The following ACBD7 variants were observed in gnomAD, a reference collection of about 807,000 sequenced individuals.
ACBD7 encodes acyl-CoA-binding domain-containing protein 7.
A neutral mutation model predicts 13.7 loss-of-function variants in ACBD7; 11 were observed. That is an observed-to-expected ratio of 0.80 (90% CI 0.50 to 1.33). ACBD7 has a LOEUF of 1.33. Ranked by LOEUF, ACBD7 falls within the 40% of genes most tolerant of loss-of-function variation. ACBD7 has a pLI of 0.00. For synonymous variants in ACBD7, 43 were observed against 37.7 expected, an observed-to-expected ratio of 1.14 and a Z score of -0.51; for missense variants, 111 against 103.0, an observed-to-expected ratio of 1.08 and a Z score of -0.33.
intron 1 of ACBD7, among the ~76,000 whole-genome samples, chr10:15,087,794 A>C (rs2131400505): frequency 6.6e-6 from 1 of 150,460 alleles, no homozygotes; most frequent in South Asian, 2.1e-4. Flanking sequence ...CCTGGGTGAC[A>C]GAATGAGACT....
Position 15,075,976 on chromosome 10 carries a change from C to CAAACAAAAA in ACBD7, c.*2553_*2554insTTTTTGTTT. 1 of 301,462 alleles carries CAAACAAAAA rather than the reference C, an allele frequency of 3.3e-6. No individual in the cohort carries two copies. The highest frequency in any genetic ancestry group is 4.4e-6 in the Non-Finnish European group (1 of 229,644). 18.7% of individuals were successfully genotyped at this position (301,462 alleles called of 1,614,324 possible). ...GTAACAGAGTGACAGCCTGTCTCAA[C>CAAACAAAAA]AAAAAAAAAAAAAAAAAAAAAGAAA... On this transcript the variant is annotated 3_prime_UTR_variant, in exon 4 of 4. Transcript: ENST00000356189.
At chr10:15,079,729 C>T (rs1038079293) in intron 1 of ACBD7, among the ~76,000 whole-genome samples, 3 of 151,902 alleles carry the variant, frequency 2.0e-5, no homozygotes, top group Non-Finnish European at 4.4e-5. Flanking sequence ...TAGGCACCTG[C>T]CACCGCGCCT....
intron 1 of ACBD7, among the ~76,000 whole-genome samples, chr10:15,085,788 G>C (rs1844801674): frequency 6.6e-6 from 1 of 152,104 alleles, no homozygotes; most frequent in Non-Finnish European, 1.5e-5. Context: ...AGCCGAATTA[G>C]AAATTCCATT....
At chr10:15,088,678 G>A (rs746747291) in intron 1 of ACBD7, 39 bp downstream of exon 1, 2 of 1,591,234 alleles carry the variant, frequency 1.3e-6, no homozygotes, top group Non-Finnish European at 1.7e-6. Flanking sequence ...TCCCCTCGCG[G>A]AGCGCCCCTC....
chr10:15,083,933 T>C (rs922515774), intron 1 of ACBD7, among the ~76,000 whole-genome samples: 2 of 152,228 alleles, frequency 1.3e-5, no homozygotes, highest in Non-Finnish European at 2.9e-5. Flanking sequence ...GGCAGCGTGC[T>C]TGAAGGCGCT....
At chr10:15,086,314 A>C in intron 1 of ACBD7, among the ~76,000 whole-genome samples, 1 of 151,990 alleles carries the variant, frequency 6.6e-6, no homozygotes, top group African/African-American at 2.4e-5. Flanking sequence ...CTCAAAAAAA[A>C]AAAAAGTTAC....
chr10:15,085,825 C>A lies in ACBD7; in HGVS notation c.12+2892G>T, dbSNP rs530636120. On this transcript the variant is annotated intron_variant, in intron 1 of 3. Coordinates refer to ENST00000356189, the MANE Select transcript of ACBD7 (RefSeq NM_001039844.3). ...GTTTTGCTACTCCAATGACAGTCTGCCAGTATACTTATTCTTGTGTAAATA... is the reference window on the plus strand; with the variant it reads ...GTTTTGCTACTCCAATGACAGTCTGACAGTATACTTATTCTTGTGTAAATA... Among the ~76,000 whole-genome samples, 22 of 151,908 alleles carry A rather than the reference C, an allele frequency of 1.4e-4. No individual in the cohort carries two copies. The East Asian group carries it at 4.1e-3, about 28-fold the overall frequency.
At chr10:15,082,432 A>G (rs961255442) in intron 1 of ACBD7, among the ~76,000 whole-genome samples, 1 of 152,228 alleles carries the variant, frequency 6.6e-6, no homozygotes, top group Non-Finnish European at 1.5e-5. Flanking sequence ...GATGTATACT[A>G]AAGATATGTA....
In ACBD7 at chr10:15,077,034, T is replaced by G; in HGVS notation, c.*1496A>C. ...CTATGAAAAACAGCACGGAAATTTC[T>G]CATGGAACTAAAAATAGAACTACCA... On this transcript the variant is annotated 3_prime_UTR_variant, in exon 4 of 4. Transcript: ENST00000356189. 1.5e-6 allele frequency: 1 copy of G among 650,422 alleles called. No homozygotes were observed. Among genetic ancestry groups the G allele is most frequent in the Non-Finnish European group, 1.9e-6 (1 of 524,144 alleles). 40.3% of individuals were successfully genotyped at this position (650,422 alleles called of 1,614,324 possible). A position where few individuals can be genotyped will look rare whatever the true frequency, so the allele number is the denominator to read the frequency against.
At chr10:15,086,821 C>T (rs1379861748) in intron 1 of ACBD7, among the ~76,000 whole-genome samples, 1 of 152,034 alleles carries the variant, frequency 6.6e-6, no homozygotes, top group African/African-American at 2.4e-5. Context: ...TGAGACCACC[C>T]TGACCAACAT....
At chr10:15,079,268 C>CT (rs36008210) in intron 1 of ACBD7, among the ~76,000 whole-genome samples, 40,551 of 126,370 alleles carry the variant, frequency 0.32, 7,283 homozygotes, top group South Asian at 0.58. Flanking sequence ...GGTTTAACTT[C>CT]TTTTTTTTTT....
At chr10:15,085,500 C>T (rs1160650886) in intron 1 of ACBD7, among the ~76,000 whole-genome samples, 4 of 152,142 alleles carry the variant, frequency 2.6e-5, no homozygotes, top group Admixed American at 6.6e-5. Context: ...ATTGAGCAAC[C>T]CAATTAAGAA....
chr10:15,076,750 A>AC lies in ACBD7; in HGVS notation c.*1779dup. On this transcript the variant is annotated 3_prime_UTR_variant, in exon 4 of 4. Coordinates refer to ENST00000356189, the MANE Select transcript of ACBD7 (RefSeq NM_001039844.3). The stretch of plus-strand genomic sequence containing the variant: ...AACTTCTGACCTCAGTAATCCACCT[A>AC]CCTCGGCCTCCCAAAGTGCTGAGAT... 1 of 971,166 alleles carries AC rather than the reference A, an allele frequency of 1.0e-6. No homozygotes were observed. The highest frequency in any genetic ancestry group is 1.2e-6 in the Non-Finnish European group (1 of 817,048). The allele number at this position is 971,166 out of a possible 1,614,324, so 60.2% of individuals were successfully genotyped here.
rs779548545 is a variant in ACBD7 at position 15,088,755 on chromosome 10, T to C, written c.-27A>G. 2.5e-6 allele frequency: 4 copies of C among 1,598,444 alleles called. No individual in the cohort carries two copies. Among genetic ancestry groups the C allele is most frequent in the Non-Finnish European group, 3.4e-6 (4 of 1,175,350 alleles). On this transcript the variant is annotated 5_prime_UTR_variant, in exon 1 of 4. Transcript: ENST00000356189. ...GTGGCGGCTGCCGCGTTGTTGCTGCTGCTGTTGTCGTCCGGTGCTCTGCCC... is the reference window on the plus strand; with the variant it reads ...GTGGCGGCTGCCGCGTTGTTGCTGCCGCTGTTGTCGTCCGGTGCTCTGCCC...
rs1452345136 is a variant in ACBD7 at position 15,078,895 on chromosome 10, A to C, written c.130+28T>G. 4 of 1,231,246 alleles carry C rather than the reference A, an allele frequency of 3.2e-6. No individual in the cohort carries two copies. The African/African-American group carries it at 4.7e-5, about 15-fold the overall frequency. The allele number at this position is 1,231,246 out of a possible 1,614,324, so 76.3% of individuals were successfully genotyped here. On this transcript the variant is annotated intron_variant, in intron 2 of 3. Coordinates refer to ENST00000356189, the MANE Select transcript of ACBD7 (RefSeq NM_001039844.3). The stretch of plus-strand genomic sequence containing the variant: ...TTAATATATTAATTGTAACATATGA[A>C]TATATTAATATTAATAATATATAAT...
Position 15,088,624 on chromosome 10 carries a change from C to G in ACBD7, c.12+93G>C, listed in dbSNP as rs933607189. 8.0e-6 allele frequency: 12 copies of G among 1,506,530 alleles called. No homozygotes were observed. The Admixed American group carries it at 2.0e-4, about 25-fold the overall frequency. The allele number at this position is 1,506,530 out of a possible 1,614,324, so 93.3% of individuals were successfully genotyped here. A position where few individuals can be genotyped will look rare whatever the true frequency, so the allele number is the denominator to read the frequency against. On this transcript the variant is annotated intron_variant, in intron 1 of 3. Transcript: ENST00000356189. Reference sequence around the variant, plus strand: ...GCGTGTCCCCCGGGTCACCGCCGACCGCTCCCAGGGGCGCCAAGCCCACCC... The same window carrying G: ...GCGTGTCCCCCGGGTCACCGCCGACGGCTCCCAGGGGCGCCAAGCCCACCC...
rs1844681334 is a variant in ACBD7 at position 15,076,315 on chromosome 10, T to C, written c.*2215A>G. ...AAGACTGAGTAGGGGGCCAATATTA[T>C]ATTCCAGACTCTATTTTTACTCAGA... On this transcript the variant is annotated 3_prime_UTR_variant, in exon 4 of 4. Coordinates refer to ENST00000356189, the MANE Select transcript of ACBD7 (RefSeq NM_001039844.3). 2.2e-5 allele frequency: 22 copies of C among 985,256 alleles called. No homozygotes were observed. Among genetic ancestry groups the C allele is most frequent in the Non-Finnish European group, 2.7e-5 (22 of 829,802 alleles). The allele number at this position is 985,256 out of a possible 1,614,324, so 61.0% of individuals were successfully genotyped here. A position where few individuals can be genotyped will look rare whatever the true frequency, so the allele number is the denominator to read the frequency against.
intron 1 of ACBD7, among the ~76,000 whole-genome samples, chr10:15,087,363 A>G (rs1413514959): frequency 6.6e-6 from 1 of 152,252 alleles, no homozygotes; most frequent in Non-Finnish European, 1.5e-5. Context: ...AGTGAGGCAC[A>G]CATTTGAACC....
intron 1 of ACBD7, among the ~76,000 whole-genome samples, chr10:15,086,048 C>G (rs1452248668): frequency 2.6e-5 from 4 of 152,214 alleles, no homozygotes; most frequent in Non-Finnish European, 5.9e-5. Context: ...TAGCTCACAT[C>G]TGTAATCCCA....
Sources: allele counts gnomAD v4.1 joint callset (sites outside exome capture counted in the v4.1 genomes callset), GRCh38; gene constraint gnomAD v4.1.1; transcripts MANE v1.5; gene names NCBI Gene and HGNC (gene_info 2026-07-23, HGNC 2026-07-21).